The following LYPLAL1 variants were observed in gnomAD, a reference collection of about 807,000 sequenced individuals.
LYPLAL1 encodes the protein lysophospholipase-like protein 1.
LYPLAL1 carries 23 observed loss-of-function variants against 19.7 expected under a neutral mutation model. That is an observed-to-expected ratio of 1.17 (90% CI 0.84 to 1.65). The LOEUF is 1.65. Ranked by LOEUF, LYPLAL1 falls within the 40% of genes most tolerant of loss-of-function variation. The probability of loss-of-function intolerance (pLI) is 0.00; values close to 1 mark genes in which losing one functional copy is unlikely to be tolerated. For synonymous variants in LYPLAL1, 119 were observed against 96.3 expected (o/e 1.24, Z -1.38); for missense variants, 355 against 279.4 (o/e 1.27, Z -1.93).
rs575642491 is a variant in LYPLAL1 at position 219,211,537 on chromosome 1, C to G, written c.523C>G (p.His175Asp). The stretch of plus-strand genomic sequence containing the variant: ...TGTACTTCCTGAATTATTTCAGTGT[C>G]ATGGTACTGCAGATGAGTTAGTTCT... Reference protein sequence around the residue: ...NGVLPELFQCHGTADELVLHS... With the variant: ...NGVLPELFQCDGTADELVLHS... Residue 175 changes from histidine to aspartate, a missense_variant, in exon 5 of 5, where the codon CAT becomes GAT. Coordinates refer to ENST00000366928, the MANE Select transcript of LYPLAL1 (RefSeq NM_138794.5). 5 of 1,613,008 alleles carry G rather than the reference C, an allele frequency of 3.1e-6. No individual in the cohort carries two copies. Among genetic ancestry groups the G allele is most frequent in the Non-Finnish European group, 4.2e-6 (5 of 1,179,280 alleles).
chr1:219,308,850 A>G, the LYPLAL1 span, among the ~76,000 whole-genome samples: 2 of 152,180 alleles, frequency 1.3e-5, no homozygotes, highest in African/African-American at 4.8e-5. Context: ...GAGCCCCCAC[A>G]CAGAGTCCCT....
chr1:219,307,083 A>G, the LYPLAL1 span, among the ~76,000 whole-genome samples: 1 of 150,804 alleles, frequency 6.6e-6, no homozygotes, highest in East Asian at 2.0e-4. Context: ...TATTTTTCTT[A>G]TAGGATCATA....
chr1:219,310,987 G>A, the LYPLAL1 span, among the ~76,000 whole-genome samples: 52,209 of 152,130 alleles, frequency 0.34, 9,852 homozygotes, highest in East Asian at 0.81. Context: ...CTGGCTCATA[G>A]GGAGAGAGAT....
the LYPLAL1 span, among the ~76,000 whole-genome samples, chr1:219,367,245 T>A: frequency 1.3e-5 from 2 of 152,318 alleles, no homozygotes; most frequent in South Asian, 4.1e-4. Flanking sequence ...TATTTAATAG[T>A]AGTTCTTAAA....
At chr1:219,342,370 C>T in the LYPLAL1 span, among the ~76,000 whole-genome samples, 1 of 152,066 alleles carries the variant, frequency 6.6e-6, no homozygotes, top group African/African-American at 2.4e-5. Flanking sequence ...ATTTGGGACC[C>T]CCTTAGCTCA....
chr1:219,202,330 A>G (rs1658176898), intron 3 of LYPLAL1, among the ~76,000 whole-genome samples: 1 of 152,220 alleles, frequency 6.6e-6, no homozygotes, highest in East Asian at 1.9e-4. Flanking sequence ...CCTGGATAGC[A>G]AAAGGCCACA....
intron 3 of LYPLAL1, among the ~76,000 whole-genome samples, chr1:219,202,547 T>C (rs1313164095): frequency 1.3e-5 from 2 of 152,232 alleles, no homozygotes; most frequent in Admixed American, 1.3e-4. Flanking sequence ...ACATTTAAGT[T>C]GTTAGGTCAG....
the LYPLAL1 span, among the ~76,000 whole-genome samples, chr1:219,382,528 C>A: frequency 1.3e-5 from 2 of 151,964 alleles, no homozygotes; most frequent in Non-Finnish European, 2.9e-5. Context: ...CCCGGCTAAC[C>A]TTTTTTTGGA....
the LYPLAL1 span, among the ~76,000 whole-genome samples, chr1:219,399,056 T>G: frequency 1.3e-5 from 2 of 152,180 alleles, no homozygotes; most frequent in African/African-American, 4.8e-5. Flanking sequence ...GCAGTAGCAG[T>G]GCAGGGAGGG....
the LYPLAL1 span, among the ~76,000 whole-genome samples, chr1:219,375,429 G>A: frequency 2.1e-5 from 3 of 142,420 alleles, no homozygotes; most frequent in South Asian, 6.7e-4. Flanking sequence ...TCGCAGCACT[G>A]CACTCGAGCC....
At chr1:219,381,860 G>A in the LYPLAL1 span, among the ~76,000 whole-genome samples, 6 of 152,278 alleles carry the variant, frequency 3.9e-5, no homozygotes, top group African/African-American at 1.4e-4. Flanking sequence ...GTTCATCAGG[G>A]AAAAGACAAC....
chr1:219,174,139 C>A, intron 1 of LYPLAL1, 158 bp downstream of exon 1: 1 of 1,448,348 alleles, frequency 6.9e-7, no homozygotes, highest in Non-Finnish European at 9.1e-7. Context: ...ACGGGCAGCG[C>A]CACCTGCCCC....
At chr1:219,233,209 T>A in the LYPLAL1 span, among the ~76,000 whole-genome samples, 1 of 152,192 alleles carries the variant, frequency 6.6e-6, no homozygotes, top group Non-Finnish European at 1.5e-5. Context: ...TCTGACATGC[T>A]ACGACATGGA....
chr1:219,225,436 C>A, the LYPLAL1 span: 17 of 152,244 alleles, frequency 1.1e-4, no homozygotes, highest in African/African-American at 3.9e-4. Context: ...GACTTTTTCT[C>A]CATATAATAT....
At chr1:219,394,464 T>C in the LYPLAL1 span, among the ~76,000 whole-genome samples, 1 of 152,186 alleles carries the variant, frequency 6.6e-6, no homozygotes, top group Non-Finnish European at 1.5e-5. Context: ...GGAACTTGTG[T>C]ACCCATTAAA....
the LYPLAL1 span, among the ~76,000 whole-genome samples, chr1:219,371,792 A>G: frequency 2.0e-5 from 3 of 152,202 alleles, no homozygotes; most frequent in Non-Finnish European, 4.4e-5. Flanking sequence ...TTTACTATGC[A>G]GCAGCACTAG....
intron 3 of LYPLAL1, among the ~76,000 whole-genome samples, chr1:219,201,062 C>A (rs974135733): frequency 5.3e-5 from 8 of 152,156 alleles, no homozygotes; most frequent in African/African-American, 1.9e-4. Flanking sequence ...GTTGATACTT[C>A]CAACCATCTT....
the LYPLAL1 span, among the ~76,000 whole-genome samples, chr1:219,418,111 C>G: frequency 6.6e-6 from 1 of 152,242 alleles, no homozygotes; most frequent in South Asian, 2.1e-4. Context: ...TCTAAAATGC[C>G]TGGTTTACCT....
At chr1:219,174,621 T>C (rs527589905) in intron 1 of LYPLAL1, among the ~76,000 whole-genome samples, 26 of 152,292 alleles carry the variant, frequency 1.7e-4, no homozygotes, top group African/African-American at 6.3e-4. Flanking sequence ...CTACCTGCCC[T>C]TAGTAACGTG....
Sources: gnomAD v4.1 joint callset for allele counts (sites outside exome capture counted in the v4.1 genomes callset) on GRCh38, gnomAD v4.1.1 for gene constraint, MANE v1.5 for transcripts, NCBI Gene and HGNC (gene_info 2026-07-23, HGNC 2026-07-21) for gene names.